Variants in ZSWIM9 observed in about 807,000 individuals in gnomAD.
ZSWIM9 encodes the protein uncharacterized protein ZSWIM9.
Under a neutral mutation model 25.0 loss-of-function variants are expected in ZSWIM9, and 11 were observed. That is an observed-to-expected ratio of 0.44 (90% CI 0.28 to 0.73). The LOEUF is 0.73. Among genes scored for constraint, ZSWIM9 ranks in the 30% least tolerant of loss-of-function variants. ZSWIM9 has a pLI of 0.16. For synonymous variants in ZSWIM9, 562 were observed against 582.1 expected (o/e 0.97, Z 0.50); for missense variants, 1,070 against 1,296.5 (o/e 0.83, Z 2.68).
At position 48,196,804 on chromosome 19, in the gene ZSWIM9, T is replaced by TG; in HGVS notation, c.2745dup (p.Arg916GlufsTer29). ...CCACATGGACCTGCTCAGGGATTGC[T>TG]GGGGGAGAGCCCCAGAGCCCTGACC... On this transcript the variant is annotated frameshift_variant, in exon 4 of 4. Transcript: ENST00000614654. LOFTEE classifies it high-confidence loss of function. 1 of 1,236,376 alleles carries TG rather than the reference T, an allele frequency of 8.1e-7. No individual in the cohort carries two copies. The highest frequency in any genetic ancestry group is 1.0e-6 in the Non-Finnish European group (1 of 990,668). 76.6% of individuals were successfully genotyped at this position (1,236,376 alleles called of 1,614,324 possible). A position where few individuals can be genotyped will look rare whatever the true frequency, so the allele number is the denominator to read the frequency against.
chr19:48,182,812 G>A lies in ZSWIM9; in HGVS notation c.588+45G>A, dbSNP rs888048869. 4 of 1,426,736 alleles carry A rather than the reference G, an allele frequency of 2.8e-6. No individual in the cohort carries two copies. The highest frequency in any genetic ancestry group is 3.8e-6 in the Non-Finnish European group (4 of 1,064,076). 88.4% of individuals were successfully genotyped at this position (1,426,736 alleles called of 1,614,324 possible). A position where few individuals can be genotyped will look rare whatever the true frequency, so the allele number is the denominator to read the frequency against. On this transcript the variant is annotated intron_variant, in intron 3 of 3. Transcript: ENST00000614654. This position sits in a 1 kb window ranked among gnomAD's most constrained non-coding sequence, Gnocchi z 4.6. ...AGGCCGGGGGAGGGGGCGGGGGAAA[G>A]CCGCGCTGAAGACTCGTGGGTCATT...
At position 48,195,095 on chromosome 19, in the gene ZSWIM9, C is replaced by G; in HGVS notation, c.1031C>G (p.Ser344Trp). The G allele has an allele frequency of 2.1e-6, 3 of 1,433,376 alleles. No individual in the cohort carries two copies. The highest frequency in any genetic ancestry group is 2.7e-6 in the Non-Finnish European group (3 of 1,100,868). The allele number at this position is 1,433,376 out of a possible 1,614,324, so 88.8% of individuals were successfully genotyped here. ...GGCCGCGAGGACCCGGGCCTGTGGT[C>G]GCGCCTGTGCCGCCTGGCTGGCGCG... The part of the protein sequence containing the change: ...GAGREDPGLW[S>W]RLCRLAGASS... The change falls in exon 4 of 4, where the codon TCG becomes TGG. Residue 344 changes from serine (S) to tryptophan (W), a missense_variant. Physicochemically the swap from Ser to Trp is radical, Grantham distance 177 (BLOSUM62 -3). Transcript: ENST00000614654. The surrounding 1 kb of genome is among the most constrained non-coding windows in gnomAD (Gnocchi z 5.8).
chr19:48,172,998 G>A (rs274867), intron 2 of ZSWIM9, among the ~76,000 whole-genome samples: 60,118 of 151,962 alleles, frequency 0.4, 12,317 homozygotes, highest in East Asian at 0.74. Context: ...GACAGAGACT[G>A]GGAGACTGAA....
intron 3 of ZSWIM9, among the ~76,000 whole-genome samples, chr19:48,187,380 G>T (rs1358005295): frequency 4.9e-5 from 1 of 20,616 alleles, no homozygotes; most frequent in Non-Finnish European, 1.2e-4. Flanking sequence ...ACAGTATAAT[G>T]TAATAATTAA....
rs914204427 is a variant in ZSWIM9 at position 48,197,150 on chromosome 19, G to A, written c.*323G>A. On this transcript the variant is annotated 3_prime_UTR_variant, in exon 4 of 4. Transcript: ENST00000614654. ...GAAGGAAGGAAAGGGGCAGAGCTGG[G>A]GGGAGGGGGAGGAAGCGATCATATG... 11 of 695,144 alleles carry A rather than the reference G, an allele frequency of 1.6e-5. No individual in the cohort carries two copies. The highest frequency in any genetic ancestry group is 4.1e-5 in the Admixed American group (2 of 49,230). The allele number at this position is 695,144 out of a possible 1,614,324, so 43.1% of individuals were successfully genotyped here.
chr19:48,197,286 G>A lies in ZSWIM9; in HGVS notation c.*459G>A, dbSNP rs779152674. On this transcript the variant is annotated 3_prime_UTR_variant, in exon 4 of 4. Coordinates refer to ENST00000614654, the MANE Select transcript of ZSWIM9 (RefSeq NM_199341.4). ...GGAGAGGAGGTAAGCGAGAAAAAAT[G>A]GAAAGGGGAGCCGGAAATGGAGGAG... 1.0e-5 allele frequency: 7 copies of A among 702,594 alleles called. No individual in the cohort carries two copies. Among genetic ancestry groups the A allele is most frequent in the Non-Finnish European group, 1.3e-5 (5 of 384,904 alleles). 43.5% of individuals were successfully genotyped at this position (702,594 alleles called of 1,614,324 possible). A position where few individuals can be genotyped will look rare whatever the true frequency, so the allele number is the denominator to read the frequency against.
intron 1 of ZSWIM9, chr19:48,171,177 A>G (rs2036797837): frequency 2.1e-6 from 2 of 965,500 alleles, no homozygotes; most frequent in Admixed American, 1.2e-4. Flanking sequence ...GGCGAGCCAT[A>G]GGGTCATAAT....
chr19:48,183,274 C>CGT (rs2036974436), intron 3 of ZSWIM9, among the ~76,000 whole-genome samples: 1 of 151,972 alleles, frequency 6.6e-6, no homozygotes, highest in South Asian at 2.1e-4. Flanking sequence ...GACTACAGGG[C>CGT]GTGCCACCAC....
intron 2 of ZSWIM9, among the ~76,000 whole-genome samples, chr19:48,176,740 T>G (rs2036897006): frequency 6.6e-6 from 1 of 152,030 alleles, no homozygotes; most frequent in Non-Finnish European, 1.5e-5. Flanking sequence ...CTGGGATTTC[T>G]GTGGGGAGCG....
chr19:48,195,656 A>G lies in ZSWIM9; in HGVS notation c.1592A>G (p.Gln531Arg). The G allele has an allele frequency of 7.0e-7, 1 of 1,426,434 alleles. No individual in the cohort carries two copies. The highest frequency in any genetic ancestry group is 2.7e-5 in the East Asian group (1 of 36,858). 88.4% of individuals were successfully genotyped at this position (1,426,434 alleles called of 1,614,324 possible). The change falls in exon 4 of 4, where the codon CAG (glutamine) becomes CGG (arginine). Residue 531 changes from glutamine (Q) to arginine (R), a missense_variant. Physicochemically the swap from Gln to Arg is conservative, Grantham distance 43. Coordinates refer to ENST00000614654, the MANE Select transcript of ZSWIM9 (RefSeq NM_199341.4). The surrounding 1 kb of genome is among the most constrained non-coding windows in gnomAD (Gnocchi z 5.8). ...RDWRGGRLEN[Q>R]KPRGLEGGVL... ...TGGAGAGGGGGTCGGTTGGAGAATC[A>G]GAAGCCGAGGGGACTGGAAGGGGGT... is the stretch of plus-strand genomic sequence containing the variant.
At chr19:48,193,144 T>C (rs1353646126) in intron 3 of ZSWIM9, 1 of 154,946 alleles carries the variant, frequency 6.5e-6, no homozygotes, top group Admixed American at 6.5e-5. Flanking sequence ...CTTCCATGCG[T>C]TGGCCAGGAG....
At chr19:48,187,548 TTATA>T (rs1162858684) in intron 3 of ZSWIM9, 1 of 33,136 alleles carries the variant, frequency 3.0e-5, no homozygotes, top group African/African-American at 8.9e-5. Context: ...TTATATTATA[TTATA>T]TATATTATAT....
chr19:48,197,395 GAAGA>G lies in ZSWIM9; in HGVS notation c.*571_*574del. 1 of 634,982 alleles carries G rather than the reference GAAGA, an allele frequency of 1.6e-6. No individual in the cohort carries two copies. Among genetic ancestry groups the G allele is most frequent in the South Asian group, 1.8e-5 (1 of 55,602 alleles). The allele number at this position is 634,982 out of a possible 1,614,324, so 39.3% of individuals were successfully genotyped here. On this transcript the variant is annotated 3_prime_UTR_variant, in exon 4 of 4. Coordinates refer to ENST00000614654, the MANE Select transcript of ZSWIM9 (RefSeq NM_199341.4). The stretch of plus-strand genomic sequence containing the variant: ...AGGAAGGGACGGGATGTAGGAGGGG[GAAGA>G]AAAATCGGAGATGAGACAAAAGAAA...
At chr19:48,171,658 C>T in intron 1 of ZSWIM9, 136 bp from the exon 2 acceptor site, 1 of 836,224 alleles carries the variant, frequency 1.2e-6, no homozygotes, top group Non-Finnish European at 1.8e-6. Context: ...TGGAGAAAAA[C>T]AGGCACGTCC....
At chr19:48,181,376 T>G (rs757080590) in intron 2 of ZSWIM9, 2 of 152,236 alleles carry the variant, frequency 1.3e-5, no homozygotes, top group Non-Finnish European at 2.9e-5. Flanking sequence ...CTCTTTCATG[T>G]CTGGCTTCTT....
chr19:48,182,467 C>T lies in ZSWIM9; in HGVS notation c.288C>T (p.Pro96=), dbSNP rs1166940640. ...PSRPAVGPPQ[P]GCPAFIIVKL... ...GTTCCTCCCACAGGCCTCCCCAGCC[C>T]GGCTGCCCCGCCTTCATCATCGTCA... The change falls in exon 3 of 4, where the codon CCC becomes CCT. Residue 96 remains proline (P), a synonymous_variant. Coordinates refer to ENST00000614654, the MANE Select transcript of ZSWIM9 (RefSeq NM_199341.4). This position sits in a 1 kb window ranked among gnomAD's most constrained non-coding sequence, Gnocchi z 4.6. 9 of 1,533,934 alleles carry T rather than the reference C, an allele frequency of 5.9e-6. No homozygotes were observed. The highest frequency in any genetic ancestry group is 1.7e-4 in the Middle Eastern group (1 of 5,942).
chr19:48,190,106 G>A (rs1024047980), intron 3 of ZSWIM9, among the ~76,000 whole-genome samples: 10 of 151,754 alleles, frequency 6.6e-5, no homozygotes, highest in African/African-American at 2.4e-4. Flanking sequence ...GGGAGACTGA[G>A]GCAGAAGAAT....
At chr19:48,186,952 A>G (rs1298403075) in intron 3 of ZSWIM9, among the ~76,000 whole-genome samples, 1 of 152,134 alleles carries the variant, frequency 6.6e-6, no homozygotes, top group Non-Finnish European at 1.5e-5. Flanking sequence ...GGGAAGAGTA[A>G]GGGGAGAGGG....
chr19:48,174,014 C>T (rs1407574420), intron 2 of ZSWIM9, among the ~76,000 whole-genome samples: 2 of 152,052 alleles, frequency 1.3e-5, no homozygotes, highest in Non-Finnish European at 2.9e-5. Context: ...GCCCATGTTT[C>T]CATTGGCAGA....
Sources: allele counts gnomAD v4.1 joint callset (sites outside exome capture counted in the v4.1 genomes callset), GRCh38; gene constraint gnomAD v4.1.1; non-coding constraint Gnocchi (gnomAD v3.1); transcripts MANE v1.5; gene names NCBI Gene and HGNC (gene_info 2026-07-23, HGNC 2026-07-21).